EVL: variants seen among roughly 807,000 people sequenced by gnomAD.
The protein encoded by EVL is ena/VASP-like protein.
Under a neutral mutation model 59.6 loss-of-function variants are expected in EVL, and 21 were observed. That is an observed-to-expected ratio of 0.35 (90% CI 0.25 to 0.51). The LOEUF is 0.51. EVL is among the 20% of genes least tolerant of loss of function. EVL has a pLI of 0.97. For missense variants in EVL, 462 were observed against 546.6 expected, an observed-to-expected ratio of 0.85 and a Z score of 1.54; for synonymous variants, 198 against 203.5, an observed-to-expected ratio of 0.97 and a Z score of 0.23.
chr14:100,135,979 GC>G lies in EVL; in HGVS notation c.964+17del. 1 of 1,613,104 alleles carries G rather than the reference GC, an allele frequency of 6.2e-7. No homozygotes were observed. Among genetic ancestry groups the G allele is most frequent in the Non-Finnish European group, 8.5e-7 (1 of 1,179,932 alleles). ...CACCTAACTCCTCAGGTGAGAGGGC[GC>G]CCCCCGCTGACCCCAGTGAGGCATG... On this transcript the variant is annotated intron_variant, in intron 9 of 13. Transcript: ENST00000392920.
intron 1 of EVL, among the ~76,000 whole-genome samples, chr14:99,976,399 T>C (rs1308564698): frequency 6.6e-6 from 1 of 152,166 alleles, no homozygotes; most frequent in Non-Finnish European, 1.5e-5. Flanking sequence ...GCCAAAATTA[T>C]CAGTCTTGTC....
chr14:100,019,567 C>T lies in EVL; in HGVS notation c.5+47510C>T, dbSNP rs1351192029. 4 of 1,086,998 alleles carry T rather than the reference C, an allele frequency of 3.7e-6. No homozygotes were observed. In the African/African-American group the frequency reaches 6.5e-5, roughly 18 times the overall value. The allele number at this position is 1,086,998 out of a possible 1,614,324, so 67.3% of individuals were successfully genotyped here. On this transcript the variant is annotated intron_variant, in intron 1 of 13. Coordinates refer to the EVL transcript ENST00000402714. ...ATTGGGGGGTGTGGAAACCCCGCCTCATTTTTCTGCACTTTGCACCATCTG... is the reference window on the plus strand; with the variant it reads ...ATTGGGGGGTGTGGAAACCCCGCCTTATTTTTCTGCACTTTGCACCATCTG...
intron 1 of EVL, among the ~76,000 whole-genome samples, chr14:100,067,471 A>G (rs913411813): frequency 1.3e-5 from 2 of 152,214 alleles, no homozygotes; most frequent in East Asian, 3.9e-4. Context: ...TCCTGAAGGT[A>G]GTGTTGTGGG....
chr14:100,109,866 C>T lies in EVL; in HGVS notation c.358+12208C>T, dbSNP rs151263241. On this transcript the variant is annotated intron_variant, in intron 3 of 13. Transcript: ENST00000392920. The surrounding 1 kb of genome is among the most constrained non-coding windows in gnomAD (Gnocchi z 4.3). ...GTGGAAGGAACTTCGGACGTGAACT[C>T]GGATCTGGTTCCAGTACCAGCTGTG... is the stretch of plus-strand genomic sequence containing the variant. 8.6e-4 allele frequency: 335 copies of T among 387,762 alleles called. No individual in the cohort carries two copies. Among genetic ancestry groups the T allele is most frequent in the Non-Finnish European group, 1.3e-3 (236 of 187,224 alleles). The allele number at this position is 387,762 out of a possible 1,614,324, so 24.0% of individuals were successfully genotyped here. A position where few individuals can be genotyped will look rare whatever the true frequency, so the allele number is the denominator to read the frequency against.
At chr14:100,061,403 C>CAAAAAAAAAAAAAAAAAAAAA (rs56656380), upstream of EVL, among the ~76,000 whole-genome samples, 1 of 19,088 alleles carries the variant, frequency 5.2e-5, no homozygotes, top group Non-Finnish European at 7.9e-5. Context: ...GACCCTGTCT[C>CAAAAAAAAAAAAAAAAAAAAA]AAAAAAAAAA....
chr14:99,996,070 C>T (rs1328277127), intron 1 of EVL, among the ~76,000 whole-genome samples: 3 of 152,110 alleles, frequency 2.0e-5, no homozygotes, highest in Non-Finnish European at 4.4e-5. Flanking sequence ...AGGTAGCTTC[C>T]CCCCTCCCCC....
chr14:100,142,564 C>T (rs1889248819), intron 13 of EVL, among the ~76,000 whole-genome samples: 1 of 152,194 alleles, frequency 6.6e-6, no homozygotes, highest in Non-Finnish European at 1.5e-5. Flanking sequence ...CCCAGGGCAT[C>T]ACAGTGACCG....
chr14:100,063,176 G>A (rs1230350931), upstream of EVL, among the ~76,000 whole-genome samples: 1 of 152,206 alleles, frequency 6.6e-6, no homozygotes, highest in African/African-American at 2.4e-5. Context: ...TGGACCTTGA[G>A]ATGGAGCGGT....
intron 1 of EVL, among the ~76,000 whole-genome samples, chr14:100,041,673 C>T (rs913537211): frequency 6.6e-6 from 1 of 152,150 alleles, no homozygotes; most frequent in South Asian, 2.1e-4. Flanking sequence ...GATATCAGTG[C>T]AAAATACATC....
chr14:100,015,895 A>G (rs1022758490), intron 1 of EVL, among the ~76,000 whole-genome samples: 3 of 151,700 alleles, frequency 2.0e-5, no homozygotes, highest in Non-Finnish European at 4.4e-5. Flanking sequence ...ACATGGCAAA[A>G]CCCTGTCTCT....
chr14:100,008,082 C>G (rs2060994782), intron 1 of EVL, among the ~76,000 whole-genome samples: 1 of 152,176 alleles, frequency 6.6e-6, no homozygotes, highest in Admixed American at 6.5e-5. Flanking sequence ...AGAATCATCC[C>G]CAGTTGAGAA....
chr14:100,119,842 G>T (rs114133442), intron 3 of EVL, among the ~76,000 whole-genome samples: 134 of 152,258 alleles, frequency 8.8e-4, no homozygotes, highest in African/African-American at 3.1e-3. Context: ...CTTAGGCCAG[G>T]TCCTCTCGTG....
chr14:100,098,712 GGGA>G (rs1885991770), intron 3 of EVL, among the ~76,000 whole-genome samples: 1 of 152,180 alleles, frequency 6.6e-6, no homozygotes, highest in South Asian at 2.1e-4. Context: ...AGCCTACCTT[GGGA>G]GAACTTGGTA....
intron 1 of EVL, among the ~76,000 whole-genome samples, chr14:99,997,774 T>C (rs2060923143): frequency 6.6e-6 from 1 of 152,242 alleles, no homozygotes; most frequent in East Asian, 1.9e-4. Context: ...TGTCAACCTC[T>C]GCCCTACTCT....
intron 1 of EVL, among the ~76,000 whole-genome samples, chr14:99,994,705 G>A (rs1475979932): frequency 6.6e-6 from 1 of 151,898 alleles, no homozygotes; most frequent in Non-Finnish European, 1.5e-5. Flanking sequence ...CAATACTATA[G>A]GATTCTATAT....
intron 1 of EVL, among the ~76,000 whole-genome samples, chr14:100,055,706 T>G (rs2061718490): frequency 6.6e-6 from 1 of 152,226 alleles, no homozygotes; most frequent in East Asian, 1.9e-4. Context: ...TGTGGAAAGC[T>G]TTTAGAATTG....
intron 3 of EVL, among the ~76,000 whole-genome samples, chr14:100,100,049 A>G (rs886541663): frequency 3.3e-5 from 5 of 151,918 alleles, no homozygotes; most frequent in African/African-American, 9.7e-5. Context: ...CTTAAATTAA[A>G]TAAAAACTGC....
chr14:100,074,242 C>T (rs78228262), intron 1 of EVL, among the ~76,000 whole-genome samples: 158 of 152,274 alleles, frequency 1.0e-3, no homozygotes, highest in Non-Finnish European at 1.7e-3. Flanking sequence ...TTGTTTTTCT[C>T]GTTAGAAGTT....
At position 100,143,892 on chromosome 14, in the gene EVL, T is replaced by C. The variant is rs1889365639; in HGVS notation, c.*154T>C. ...CCTGACCTGTGATCACACATGACAG[T>C]GAGGAAACCAAGTGCAACTCCTGGG... is the stretch of plus-strand genomic sequence containing the variant. On this transcript the variant is annotated 3_prime_UTR_variant, in exon 14 of 14. Coordinates refer to ENST00000392920, the MANE Select transcript of EVL (RefSeq NM_016337.3). The C allele has an allele frequency of 4.8e-6, 4 of 836,696 alleles. No individual in the cohort carries two copies. The highest frequency in any genetic ancestry group is 7.3e-6 in the Non-Finnish European group (4 of 550,168). The allele number at this position is 836,696 out of a possible 1,614,324, so 51.8% of individuals were successfully genotyped here.
Sources: allele counts gnomAD v4.1 joint callset (sites outside exome capture counted in the v4.1 genomes callset), GRCh38; gene constraint gnomAD v4.1.1; non-coding constraint Gnocchi (gnomAD v3.1); transcripts MANE v1.5; gene names NCBI Gene and HGNC (gene_info 2026-07-23, HGNC 2026-07-21).